KCNAB1: variants seen among roughly 807,000 people sequenced by gnomAD.
The protein encoded by KCNAB1 is voltage-gated potassium channel subunit beta-1.
A neutral mutation model predicts 64.6 loss-of-function variants in KCNAB1; 35 were observed. The observed-to-expected ratio is 0.54, with a 90% CI of 0.41 to 0.72. The LOEUF is 0.72. Among genes scored for constraint, KCNAB1 ranks in the 30% least tolerant of loss-of-function variants. The probability of loss-of-function intolerance (pLI) is 0.00; values close to 1 mark genes in which losing one functional copy is unlikely to be tolerated. For missense variants in KCNAB1, 401 were observed against 512.9 expected (o/e 0.78, Z 2.11); for synonymous variants, 177 against 183.8 (o/e 0.96, Z 0.30).
intron 1 of KCNAB1, among the ~76,000 whole-genome samples, chr3:156,260,720 ATTCATG>A: frequency 6.6e-6 from 1 of 152,292 alleles, no homozygotes; most frequent in African/African-American, 2.4e-5. Flanking sequence ...TTGTTGTGAC[ATTCATG>A]TATATGTCTT....
At chr3:156,497,772 A>G (rs1047188449) in intron 8 of KCNAB1, among the ~76,000 whole-genome samples, 3 of 152,234 alleles carry the variant, frequency 2.0e-5, no homozygotes, top group African/African-American at 7.2e-5. Context: ...TAGCAACTCA[A>G]TGAACATTAG....
intron 7 of KCNAB1, among the ~76,000 whole-genome samples, chr3:156,467,590 T>C (rs1001723586): frequency 6.6e-6 from 1 of 151,986 alleles, no homozygotes; most frequent in Admixed American, 6.5e-5. Flanking sequence ...TACTGACTTA[T>C]CTGTCTATCC....
intron 1 of KCNAB1, among the ~76,000 whole-genome samples, chr3:156,317,974 G>A (rs1298600925): frequency 6.6e-6 from 1 of 152,166 alleles, no homozygotes. Flanking sequence ...CAGGTAGTTA[G>A]ATATCTAAGA....
intron 1 of KCNAB1, among the ~76,000 whole-genome samples, chr3:156,303,335 C>A (rs538905423): frequency 6.6e-6 from 1 of 152,220 alleles, no homozygotes; most frequent in African/African-American, 2.4e-5. Context: ...TTAGTGGTTA[C>A]AAATCAAAGT....
chr3:156,173,219 G>A (rs1009761280), intron 1 of KCNAB1, among the ~76,000 whole-genome samples: 6 of 152,150 alleles, frequency 3.9e-5, no homozygotes, highest in African/African-American at 1.4e-4. Context: ...AATTGACTCA[G>A]CACTTTTCTT....
intron 1 of KCNAB1, among the ~76,000 whole-genome samples, chr3:156,161,865 TCTAC>T (rs1716100467): frequency 6.6e-6 from 1 of 152,238 alleles, no homozygotes; most frequent in Non-Finnish European, 1.5e-5. Context: ...AATAGTATTA[TCTAC>T]AAAATACCTA....
At chr3:156,421,715 G>C in intron 2 of KCNAB1, 56 bp downstream of exon 2, 1 of 1,511,316 alleles carries the variant, frequency 6.6e-7, no homozygotes, top group Non-Finnish European at 9.2e-7. Flanking sequence ...ACTGGGGAGG[G>C]CACCAGGGAG....
intron 1 of KCNAB1, among the ~76,000 whole-genome samples, chr3:156,324,485 G>A (rs1722850098): frequency 6.6e-6 from 1 of 152,088 alleles, no homozygotes; most frequent in Non-Finnish European, 1.5e-5. Context: ...AGGTTTTTCA[G>A]AGGACACCTC....
intron 1 of KCNAB1, among the ~76,000 whole-genome samples, chr3:156,326,159 A>G (rs964337652): frequency 1.3e-5 from 2 of 151,990 alleles, no homozygotes; most frequent in Non-Finnish European, 2.9e-5. Flanking sequence ...TTGCTTATTC[A>G]TTTCTTCTTT....
chr3:156,173,833 C>G (rs1221190361), intron 1 of KCNAB1, among the ~76,000 whole-genome samples: 1 of 152,174 alleles, frequency 6.6e-6, no homozygotes, highest in African/African-American at 2.4e-5. Context: ...GATTGCCCTT[C>G]CTGATGTGAG....
intron 8 of KCNAB1, among the ~76,000 whole-genome samples, chr3:156,512,352 G>A (rs530814130): frequency 5.3e-5 from 8 of 152,320 alleles, no homozygotes; most frequent in African/African-American, 4.8e-5. Context: ...GGACTCCCAC[G>A]TGCCCAAGCC....
chr3:156,495,822 T>C (rs547985779), intron 8 of KCNAB1, among the ~76,000 whole-genome samples: 5 of 152,294 alleles, frequency 3.3e-5, no homozygotes, highest in Admixed American at 2.0e-4. Context: ...CTGTCATTTT[T>C]AATACCCCGG....
chr3:156,518,950 C>T (rs1485517979), intron 11 of KCNAB1, among the ~76,000 whole-genome samples: 1 of 152,208 alleles, frequency 6.6e-6, no homozygotes, highest in Non-Finnish European at 1.5e-5. Flanking sequence ...TTAACAGTGC[C>T]TCCACCCATC....
chr3:156,487,632 T>A (rs1045776712), intron 8 of KCNAB1, among the ~76,000 whole-genome samples: 1 of 152,150 alleles, frequency 6.6e-6, no homozygotes, highest in Non-Finnish European at 1.5e-5. Flanking sequence ...CCATTTTGTT[T>A]GTTTTTAAGG....
At chr3:156,305,204 C>A (rs1721413516) in intron 1 of KCNAB1, among the ~76,000 whole-genome samples, 1 of 152,072 alleles carries the variant, frequency 6.6e-6, no homozygotes, top group Admixed American at 6.5e-5. Context: ...TCAGTATTAG[C>A]ATAGAATGGG....
chr3:156,328,501 A>G (rs1306865949), intron 1 of KCNAB1, among the ~76,000 whole-genome samples: 1 of 152,062 alleles, frequency 6.6e-6, no homozygotes, highest in Non-Finnish European at 1.5e-5. Flanking sequence ...TCTGGATATG[A>G]ATTTGGTGCT....
chr3:156,254,734 A>G (rs1056666541), intron 1 of KCNAB1, among the ~76,000 whole-genome samples: 1 of 152,196 alleles, frequency 6.6e-6, no homozygotes, highest in Admixed American at 6.5e-5. Flanking sequence ...GAGTTAGGCT[A>G]GGGACTTTGA....
intron 1 of KCNAB1, among the ~76,000 whole-genome samples, chr3:156,317,854 G>C (rs1416983237): frequency 1.3e-5 from 2 of 152,140 alleles, no homozygotes; most frequent in Non-Finnish European, 2.9e-5. Flanking sequence ...CAATGACTGA[G>C]TTAGCAAATA....
chr3:156,504,130 A>G (rs1488424563), intron 8 of KCNAB1, among the ~76,000 whole-genome samples: 1 of 152,118 alleles, frequency 6.6e-6, no homozygotes, highest in African/African-American at 2.4e-5. Context: ...CAACTGATTT[A>G]GCTTCCACAT....
Sources: gnomAD v4.1 joint callset for allele counts (sites outside exome capture counted in the v4.1 genomes callset) on GRCh38, gnomAD v4.1.1 for gene constraint, MANE v1.5 for transcripts, NCBI Gene and HGNC (gene_info 2026-07-23, HGNC 2026-07-21) for gene names.